Variants in PRDX5 observed in about 807,000 individuals in gnomAD.
PRDX5 encodes the protein peroxiredoxin 5.
In PRDX5, 21 loss-of-function variants were observed where a neutral mutation model predicts 23.8. The ratio of observed to expected loss-of-function variants is 0.88; its 90% CI spans 0.63 to 1.27. The LOEUF (loss-of-function observed/expected upper bound fraction) is 1.27, where lower values mean the gene tolerates loss of function less well. Among genes scored for constraint, PRDX5 ranks in the 50% most tolerant of loss-of-function variants. The pLI is 0.00. For synonymous variants in PRDX5, 111 were observed against 113.3 expected, an observed-to-expected ratio of 0.98 and a Z score of 0.13; for missense variants, 261 against 270.6, an observed-to-expected ratio of 0.96 and a Z score of 0.25.
intron 1 of PRDX5, 102 bp from the exon 2 acceptor site, chr11:64,319,632 C>A: frequency 1.4e-6 from 2 of 1,437,152 alleles, no homozygotes; most frequent in South Asian, 1.3e-5. Context: ...GGGTTTCAGC[C>A]CCGGTTCCTG....
rs776908709 is a variant in PRDX5, at chr11:64,319,875, C to T, written c.306+7C>T. 5 of 1,613,402 alleles carry T rather than the reference C, an allele frequency of 3.1e-6. No homozygotes were observed. Among genetic ancestry groups the T allele is most frequent in the Non-Finnish European group, 4.2e-6 (5 of 1,179,732 alleles). On this transcript the variant is annotated splice_region_variant and intron_variant, in intron 2 of 5. Transcript: ENST00000265462. ...CACCCCTGGATGTTCCAAGGTGAGG[C>T]CCTTCCCCTTCTGAAGATCAGGACC...
At chr11:64,320,548 A>C (rs1012297914) in intron 2 of PRDX5, 113 bp from the exon 3 acceptor site, 2 of 1,442,156 alleles carry the variant, frequency 1.4e-6, no homozygotes, top group Non-Finnish European at 1.9e-6. Context: ...GACAGCTCTC[A>C]TTGTCTGATC....
chr11:64,321,516 C>G, intron 5 of PRDX5, 70 bp from the exon 6 acceptor site: 1 of 1,573,656 alleles, frequency 6.4e-7, no homozygotes, highest in Non-Finnish European at 8.6e-7. Context: ...CCTGGCTGTT[C>G]ACTGCCTGTC....
intron 2 of PRDX5, 90 bp from the exon 3 acceptor site, chr11:64,320,571 G>C: frequency 6.7e-7 from 1 of 1,500,632 alleles, no homozygotes; most frequent in Non-Finnish European, 8.9e-7. Flanking sequence ...AGGTGTTGAG[G>C]CAGAGCACTG....
chr11:64,319,900 CT>C (rs2035444859), intron 2 of PRDX5, 32 bp downstream of exon 2: 1 of 1,610,046 alleles, frequency 6.2e-7, no homozygotes, highest in South Asian at 1.1e-5. Context: ...AGATCAGGAC[CT>C]GGGATCTTTT....
At chr11:64,321,525 T>C in intron 5 of PRDX5, 61 bp from the exon 6 acceptor site, 1 of 1,583,616 alleles carries the variant, frequency 6.3e-7, no homozygotes, top group East Asian at 2.2e-5. Context: ...TCACTGCCTG[T>C]CTCCATGCCC....
At chr11:64,320,597 T>TA (rs2035468197) in intron 2 of PRDX5, 64 bp from the exon 3 acceptor site, 1 of 1,536,320 alleles carries the variant, frequency 6.5e-7, no homozygotes, top group African/African-American at 1.4e-5. Context: ...GGCCTGGAGA[T>TA]AAAGGGTGGG....
chr11:64,319,965 C>A, intron 2 of PRDX5, 97 bp downstream of exon 2: 1 of 1,481,912 alleles, frequency 6.7e-7, no homozygotes, highest in Non-Finnish European at 9.1e-7. Context: ...AAAAGCATTT[C>A]AGTGCCATCA....
Position 64,319,717 on chromosome 11 carries a change from G to C in PRDX5, c.172-17G>C, listed in dbSNP as rs753927581. The C allele has an allele frequency of 1.2e-6, 2 of 1,611,780 alleles. No homozygotes were observed. The highest frequency in any genetic ancestry group is 2.2e-5 in the South Asian group (2 of 90,950). ...CCGGCTCCCTCACCCCCCTTACCCT[G>C]GAGTCCTTCCTTCTAGGTGGGAGAT... is the stretch of plus-strand genomic sequence containing the variant. On this transcript the variant is annotated splice_polypyrimidine_tract_variant and intron_variant, in intron 1 of 5. Transcript: ENST00000265462.
In PRDX5 at chr11:64,318,393, G is replaced by T. The variant is rs748462954; in HGVS notation, c.171+7G>T. 1.2e-6 allele frequency: 2 copies of T among 1,600,384 alleles called. No individual in the cohort carries two copies. Among genetic ancestry groups the T allele is most frequent in the Admixed American group, 1.7e-5 (1 of 58,652 alleles). ...AGCCATGGCCCCAATCAAGGTGACC[G>T]CTGGCCCGGCCGGGCCTGACATCCC... On this transcript the variant is annotated splice_region_variant and intron_variant, in intron 1 of 5. Coordinates refer to ENST00000265462, the MANE Select transcript of PRDX5 (RefSeq NM_012094.5).
At position 64,319,848 on chromosome 11, in the gene PRDX5, T is replaced by C. The variant is rs1467716288; in HGVS notation, c.286T>C (p.Phe96Leu). 5 of 1,614,084 alleles carry C rather than the reference T, an allele frequency of 3.1e-6. No homozygotes were observed. Among genetic ancestry groups the C allele is most frequent in the Non-Finnish European group, 4.2e-6 (5 of 1,179,970 alleles). The change falls in exon 2 of 6, where the codon TTC (phenylalanine) becomes CTC (leucine). Residue 96 changes from phenylalanine to leucine, a missense_variant. Phe to Leu is a conservative substitution (Grantham distance 22). Transcript: ENST00000265462. ...TGTGCTGTTTGGAGTTCCTGGGGCC[T>C]TCACCCCTGGATGTTCCAAGGTGAG... The part of the protein sequence containing the change: ...KGVLFGVPGA[F>L]TPGCSKTHLP...
At chr11:64,320,985 A>G (rs2035480459) in intron 4 of PRDX5, 22 bp from the exon 5 acceptor site, 3 of 1,613,994 alleles carry the variant, frequency 1.9e-6, no homozygotes, top group Non-Finnish European at 2.5e-6. Context: ...GATTTCTGAC[A>G]CTTTTCTCTG....
chr11:64,318,146 C>T lies in PRDX5; in HGVS notation c.-70C>T, dbSNP rs761979554. 25 of 1,592,692 alleles carry T rather than the reference C, an allele frequency of 1.6e-5. No individual in the cohort carries two copies. The highest frequency in any genetic ancestry group is 4.5e-5 in the South Asian group (4 of 89,176). On this transcript the variant is annotated 5_prime_UTR_variant, in exon 1 of 6. Transcript: ENST00000265462. ...CTTCCGCAGGGTGTCGCCGCTGTGC[C>T]GCTAGCGGTGCCCCGCCTGCTGCGG...
rs994310512 is a variant in PRDX5 at position 64,318,144 on chromosome 11, G to T, written c.-72G>T. 47 of 1,589,112 alleles carry T rather than the reference G, an allele frequency of 3.0e-5. No individual in the cohort carries two copies. Among genetic ancestry groups the T allele is most frequent in the Non-Finnish European group, 3.6e-5 (42 of 1,170,046 alleles). The stretch of plus-strand genomic sequence containing the variant: ...GCCTTCCGCAGGGTGTCGCCGCTGT[G>T]CCGCTAGCGGTGCCCCGCCTGCTGC... On this transcript the variant is annotated 5_prime_UTR_variant, in exon 1 of 6. Transcript: ENST00000265462.
chr11:64,319,138 A>T (rs1269443349), intron 1 of PRDX5, among the ~76,000 whole-genome samples: 1 of 151,622 alleles, frequency 6.6e-6, no homozygotes, highest in Non-Finnish European at 1.5e-5. Flanking sequence ...GGCTCCTCAG[A>T]GGCCCTCACC....
chr11:64,319,795 T>A lies in PRDX5; in HGVS notation c.233T>A (p.Leu78Gln). 6.2e-7 allele frequency: 1 copy of A among 1,614,184 alleles called. No homozygotes were observed. Among genetic ancestry groups the A allele is most frequent in the Non-Finnish European group, 8.5e-7 (1 of 1,180,006 alleles). ...FEGEPGNKVN[L>Q]AELFKGKKGV... ...GGGGAGCCAGGGAACAAGGTGAACC[T>A]GGCAGAGCTGTTCAAGGGCAAGAAG... is the stretch of plus-strand genomic sequence containing the variant. The change falls in exon 2 of 6, where the codon CTG becomes CAG. Residue 78 changes from leucine (L) to glutamine (Q), a missense_variant. Coordinates refer to ENST00000265462, the MANE Select transcript of PRDX5 (RefSeq NM_012094.5).
chr11:64,321,628 T>C lies in PRDX5; in HGVS notation c.582T>C (p.Asn194=), dbSNP rs750428853. 2.5e-6 allele frequency: 4 copies of C among 1,613,230 alleles called. No individual in the cohort carries two copies. In the Admixed American group the frequency reaches 6.7e-5, roughly 27 times the overall value. ...AGGATGGCATAGTGAAGGCCCTGAA[T>C]GTGGAACCAGATGGCACAGGCCTCA... ...VVQDGIVKAL[N]VEPDGTGLTC... Residue 194 remains asparagine, a synonymous_variant, in exon 6 of 6, where the codon AAT becomes AAC. Coordinates refer to ENST00000265462, the MANE Select transcript of PRDX5 (RefSeq NM_012094.5).
intron 5 of PRDX5, 47 bp from the exon 6 acceptor site, chr11:64,321,539 C>A: frequency 6.3e-7 from 1 of 1,596,392 alleles, no homozygotes; most frequent in South Asian, 1.1e-5. Flanking sequence ...CATGCCCAGC[C>A]TCCAAGCCCA....
At chr11:64,319,692 C>T in intron 1 of PRDX5, 42 bp from the exon 2 acceptor site, 1 of 1,588,286 alleles carries the variant, frequency 6.3e-7, no homozygotes, top group Non-Finnish European at 8.6e-7. Context: ...CTGGTTTGCC[C>T]CGGCTCCCTC....
Sources: allele counts gnomAD v4.1 joint callset (sites outside exome capture counted in the v4.1 genomes callset), GRCh38; gene constraint gnomAD v4.1.1; transcripts MANE v1.5; gene names NCBI Gene and HGNC (gene_info 2026-07-23, HGNC 2026-07-21).